PHEX: variants seen among roughly 807,000 people sequenced by gnomAD.
PHEX encodes phosphate-regulating neutral endopeptidase PHEX.
A neutral mutation model predicts 68.0 loss-of-function variants in PHEX; 16 were observed. The ratio of observed to expected loss-of-function variants is 0.24; its 90% CI spans 0.16 to 0.36. PHEX has a LOEUF of 0.36. Ranked by LOEUF, PHEX falls within the 10% of genes least tolerant of loss-of-function variation. The pLI is 1.00. For synonymous variants in PHEX, 208 were observed against 205.1 expected (o/e 1.01, Z -0.12); for missense variants, 480 against 575.5 (o/e 0.83, Z 1.70).
At chrX:22,167,734 ATCC>A (rs1933383227) in intron 12 of PHEX, among the ~76,000 whole-genome samples, 1 of 110,580 alleles carries the variant, frequency 9.0e-6, no homozygotes, top group Non-Finnish European at 1.9e-5. Context: ...GCCTCAAGCA[ATCC>A]TCCTGCCTCA....
chrX:22,088,580 T>C (rs1402581804), intron 5 of PHEX, among the ~76,000 whole-genome samples: 1 of 111,901 alleles, frequency 8.9e-6, no homozygotes, highest in Non-Finnish European at 1.9e-5. Flanking sequence ...TTCGTGTTCT[T>C]ATTTTCTATC....
At position 22,249,484 on chromosome X, in the gene PHEX, A is replaced by G. The variant is rs866884922; in HGVS notation, c.*1531A>G. Reference sequence around the variant, plus strand: ...TATATATATATATATATATATATATATATGTATATCTACCTAAGTGTGTGC... The same window carrying G: ...TATATATATATATATATATATATATGTATGTATATCTACCTAAGTGTGTGC... On this transcript the variant is annotated 3_prime_UTR_variant, in exon 22 of 22. Coordinates refer to ENST00000379374, the MANE Select transcript of PHEX (RefSeq NM_000444.6). 3.0e-4 allele frequency: 26 copies of G among 86,647 alleles called. No homozygotes were observed. The highest frequency in any genetic ancestry group is 9.3e-4 in the African/African-American group (19 of 20,480). 7.1% of individuals were successfully genotyped at this position (86,647 alleles called of 1,213,427 possible). A position where few individuals can be genotyped will look rare whatever the true frequency, so the allele number is the denominator to read the frequency against.
intron 14 of PHEX, among the ~76,000 whole-genome samples, chrX:22,179,878 C>T (rs1327642388): frequency 2.7e-5 from 3 of 110,275 alleles, no homozygotes; most frequent in Non-Finnish European, 5.7e-5. Context: ...TATTGATTGC[C>T]TTTTTATTAA....
intron 17 of PHEX, among the ~76,000 whole-genome samples, chrX:22,220,515 A>G (rs1483680281): frequency 9.0e-6 from 1 of 111,657 alleles, no homozygotes; most frequent in East Asian, 2.8e-4. Flanking sequence ...GAAAAAAAAA[A>G]GCTAATAGTC....
At chrX:22,046,322 T>A (rs767691857) in intron 2 of PHEX, among the ~76,000 whole-genome samples, 2 of 112,057 alleles carry the variant, frequency 1.8e-5, no homozygotes, top group South Asian at 7.3e-4. Flanking sequence ...ATTCTGTTGG[T>A]CAAAGCAAGT....
At chrX:22,142,183 C>T (rs1424893525) in intron 12 of PHEX, among the ~76,000 whole-genome samples, 6 of 111,692 alleles carry the variant, frequency 5.4e-5, no homozygotes, top group African/African-American at 2.0e-4. Context: ...ACCCGGAAGG[C>T]GGAGGTTGCA....
chrX:22,154,517 G>T (rs1354065747), intron 12 of PHEX, among the ~76,000 whole-genome samples: 1 of 111,471 alleles, frequency 9.0e-6, no homozygotes, highest in Non-Finnish European at 1.9e-5. Flanking sequence ...ATCACAACTG[G>T]GGGGACAGAG....
intron 3 of PHEX, among the ~76,000 whole-genome samples, chrX:22,071,348 GTGT>G (rs779173935): frequency 5.4e-5 from 6 of 111,741 alleles, no homozygotes; most frequent in African/African-American, 1.9e-4. Context: ...AAAAGAGATG[GTGT>G]TGTTAGTATG....
rs1208955181 is a variant in PHEX at position 22,093,998 on chromosome X, T to C, written c.748T>C (p.Tyr250His). The stretch of plus-strand genomic sequence containing the variant: ...TTTCTTACAGTATCGGGATGCCCTT[T>C]ACAAGTTCATGGTGGATACTGCCGT... ...TEAKSYRDAL[Y>H]KFMVDTAVLL... is the part of the protein sequence containing the mutation. The change falls in exon 7 of 22, where the codon TAC becomes CAC. Residue 250 changes from tyrosine (Y) to histidine (H), a missense_variant. Tyr to His is a moderately conservative substitution (Grantham distance 83). Transcript: ENST00000379374. 1.2e-5 allele frequency: 14 copies of C among 1,191,061 alleles called. No homozygotes were observed. The highest frequency in any genetic ancestry group is 1.6e-5 in the Non-Finnish European group (14 of 878,598).
intron 1 of PHEX, among the ~76,000 whole-genome samples, chrX:22,036,054 A>ATATT (rs1349859330): frequency 1.2e-4 from 7 of 56,697 alleles, no homozygotes; most frequent in East Asian, 4.6e-4. Flanking sequence ...ATATATATAT[A>ATATT]TTTTTTTTTT....
At chrX:22,220,341 T>G (rs1228703781) in intron 17 of PHEX, among the ~76,000 whole-genome samples, 2 of 111,416 alleles carry the variant, frequency 1.8e-5, no homozygotes, top group African/African-American at 6.5e-5. Context: ...CCACCAGCCC[T>G]TCCTTAATCA....
chrX:22,092,749 C>CTTTTTTTTTTTTTTTTTTTTTT (rs370527485), intron 6 of PHEX, among the ~76,000 whole-genome samples: 7 of 77,924 alleles, frequency 9.0e-5, no homozygotes, highest in African/African-American at 2.8e-4. Context: ...TTCTTTCTTT[C>CTTTTTTTTTTTTTTTTTTTTTT]TTTTTTTTTT....
chrX:22,099,988 G>A (rs1375994012), intron 9 of PHEX, among the ~76,000 whole-genome samples: 7 of 112,399 alleles, frequency 6.2e-5, no homozygotes, highest in Non-Finnish European at 1.3e-4. Flanking sequence ...ACACCTGAGA[G>A]GAGCTGCTGC....
intron 20 of PHEX, among the ~76,000 whole-genome samples, chrX:22,235,814 A>ATGTT (rs2147198816): frequency 9.0e-6 from 1 of 110,937 alleles, no homozygotes; most frequent in South Asian, 3.8e-4. Flanking sequence ...GCCTTATGGA[A>ATGTT]TGTTAATCTG....
intron 9 of PHEX, among the ~76,000 whole-genome samples, chrX:22,108,117 G>A (rs4824223): frequency 0.17 from 18,666 of 110,239 alleles, 1,331 homozygotes; most frequent in East Asian, 0.3. Flanking sequence ...CTATTAAGGA[G>A]TGGAGATGTG....
At chrX:22,153,062 G>A (rs1447564631) in intron 12 of PHEX, among the ~76,000 whole-genome samples, 1 of 108,794 alleles carries the variant, frequency 9.2e-6, no homozygotes, top group South Asian at 4.1e-4. Context: ...CACCATCATA[G>A]CTCACTGCAG....
chrX:22,220,406 G>GTAGT (rs1935232839), intron 17 of PHEX, among the ~76,000 whole-genome samples: 1 of 111,285 alleles, frequency 9.0e-6, no homozygotes. Context: ...TGGCTGACTT[G>GTAGT]TAGTTATAAA....
At chrX:22,220,152 A>G (rs752483060) in intron 17 of PHEX, among the ~76,000 whole-genome samples, 1 of 111,554 alleles carries the variant, frequency 9.0e-6, no homozygotes, top group South Asian at 3.8e-4. Context: ...GCAAATTACT[A>G]TCACATCCAT....
At chrX:22,132,700 G>A (rs762371380) in intron 11 of PHEX, among the ~76,000 whole-genome samples, 1 of 111,316 alleles carries the variant, frequency 9.0e-6, no homozygotes, top group Non-Finnish European at 1.9e-5. Flanking sequence ...GTCTCTCTCA[G>A]TCCTTTATTA....
Sources: gnomAD v4.1 joint callset for allele counts (sites outside exome capture counted in the v4.1 genomes callset) on GRCh38, gnomAD v4.1.1 for gene constraint, MANE v1.5 for transcripts, NCBI Gene and HGNC (gene_info 2026-07-23, HGNC 2026-07-21) for gene names.